The following PARVA variants were observed in gnomAD, a reference collection of about 807,000 sequenced individuals.
PARVA encodes the protein alpha-parvin.
PARVA carries 25 observed loss-of-function variants against 52.6 expected under a neutral mutation model. The ratio of observed to expected loss-of-function variants is 0.48; its 90% CI spans 0.35 to 0.66. The LOEUF (loss-of-function observed/expected upper bound fraction) is 0.66. PARVA is among the 30% of genes least tolerant of loss of function. The probability of loss-of-function intolerance (pLI) is 0.01; values close to 1 mark genes in which losing one functional copy is unlikely to be tolerated. For missense variants in PARVA, 373 were observed against 450.9 expected, an observed-to-expected ratio of 0.83 and a Z score of 1.56; for synonymous variants, 185 against 179.1, an observed-to-expected ratio of 1.03 and a Z score of -0.26.
chr11:12,526,879 G>T (rs1323094291), intron 12 of PARVA, among the ~76,000 whole-genome samples: 1 of 152,102 alleles, frequency 6.6e-6, no homozygotes, highest in Non-Finnish European at 1.5e-5. Flanking sequence ...GAGGAAGGTA[G>T]AGGAGCCAGC....
chr11:12,398,076 G>A (rs1939775861), intron 1 of PARVA, among the ~76,000 whole-genome samples: 1 of 152,166 alleles, frequency 6.6e-6, no homozygotes, highest in South Asian at 2.1e-4. Flanking sequence ...TTGGCAGGGA[G>A]AGATGGGAGT....
intron 5 of PARVA, 79 bp downstream of exon 5, chr11:12,496,677 A>G (rs1216920687): frequency 2.1e-6 from 3 of 1,456,204 alleles, no homozygotes; most frequent in East Asian, 2.4e-5. Context: ...GAAGCCATCC[A>G]TAAGCTTGGC....
chr11:12,381,331 T>C (rs577651226), intron 1 of PARVA, among the ~76,000 whole-genome samples: 13 of 152,336 alleles, frequency 8.5e-5, no homozygotes, highest in African/African-American at 3.1e-4. Context: ...ACTTTCTCTT[T>C]GGTGTTCTTG....
At position 12,417,257 on chromosome 11, in the gene PARVA, T is replaced by A. The variant is rs939818039; in HGVS notation, c.136+39474T>A. ...AGCATTGTTCACACTTGTGAAAAAC[T>A]TGAAATAAACTATAAGTCTAATATG... On this transcript the variant is annotated intron_variant, in intron 1 of 12. Coordinates refer to ENST00000334956, the MANE Select transcript of PARVA (RefSeq NM_018222.5). Among the ~76,000 whole-genome samples, 16 of 152,176 alleles carry A rather than the reference T, an allele frequency of 1.1e-4. 1 individual carries two copies. The highest frequency in any genetic ancestry group is 2.1e-4 in the South Asian group (1 of 4,826).
intron 1 of PARVA, among the ~76,000 whole-genome samples, chr11:12,428,528 G>A (rs578049634): frequency 3.3e-5 from 5 of 152,254 alleles, no homozygotes; most frequent in South Asian, 2.1e-4. Flanking sequence ...CACAGATACC[G>A]CTGTATCTAG....
chr11:12,464,575 A>G (rs1940829462), intron 1 of PARVA, among the ~76,000 whole-genome samples: 1 of 152,164 alleles, frequency 6.6e-6, no homozygotes, highest in African/African-American at 2.4e-5. Context: ...TACCATTCCC[A>G]TCACCCCTTT....
intron 1 of PARVA, among the ~76,000 whole-genome samples, chr11:12,457,994 T>C (rs1940720889): frequency 6.6e-6 from 1 of 152,198 alleles, no homozygotes; most frequent in Non-Finnish European, 1.5e-5. Flanking sequence ...CATGTGTGAC[T>C]GTGAGCTCCT....
At chr11:12,427,172 A>T (rs1474924756) in intron 1 of PARVA, among the ~76,000 whole-genome samples, 1 of 152,244 alleles carries the variant, frequency 6.6e-6, no homozygotes, top group Non-Finnish European at 1.5e-5. Context: ...AAGGAAATAT[A>T]ATTATTATAA....
At position 12,532,655 on chromosome 11, in the gene PARVA, G is replaced by A. The variant is rs1330731074; in HGVS notation, c.*4730G>A. Among the ~76,000 whole-genome samples the A allele has an allele frequency of 6.6e-6, 1 of 152,218 alleles. No individual in the cohort carries two copies. The highest frequency in any genetic ancestry group is 2.4e-5 in the African/African-American group (1 of 41,452). Reference sequence around the variant, plus strand: ...CTAAAATCTATGAAAGAGTTCTAATGTAGATTTAAGGTCATGAGAAGTCTC... The same window carrying A: ...CTAAAATCTATGAAAGAGTTCTAATATAGATTTAAGGTCATGAGAAGTCTC... On this transcript the variant is annotated 3_prime_UTR_variant, in exon 13 of 13. Transcript: ENST00000334956.
intron 1 of PARVA, among the ~76,000 whole-genome samples, chr11:12,380,649 C>T (rs1313023227): frequency 6.6e-6 from 1 of 150,726 alleles, no homozygotes; most frequent in Non-Finnish European, 1.5e-5. Flanking sequence ...GAATACCTAG[C>T]AGATCAACCT....
intron 4 of PARVA, among the ~76,000 whole-genome samples, chr11:12,486,525 C>CTCTG (rs1941160834): frequency 6.6e-6 from 1 of 151,574 alleles, no homozygotes; most frequent in Admixed American, 6.6e-5. Flanking sequence ...AAGAGCGAAA[C>CTCTG]TCTGTCTCAA....
At chr11:12,419,128 G>T (rs1165026382) in intron 1 of PARVA, among the ~76,000 whole-genome samples, 1 of 152,144 alleles carries the variant, frequency 6.6e-6, no homozygotes, top group Non-Finnish European at 1.5e-5. Context: ...AAAAATTGTA[G>T]TAAAATACAT....
At chr11:12,469,778 G>C (rs567382075) in intron 1 of PARVA, among the ~76,000 whole-genome samples, 1 of 152,276 alleles carries the variant, frequency 6.6e-6, no homozygotes, top group African/African-American at 2.4e-5. Flanking sequence ...CTTTCTTCTT[G>C]GATTTGTTAT....
rs544895697 is a variant in PARVA, at chr11:12,469,447, G to C, written c.137-4298G>C. ...TTAGATTGTTAGAGGAGGTTCAGTGGATAAACATCAGATTCCCATTCTGTG... is the reference window on the plus strand; with the variant it reads ...TTAGATTGTTAGAGGAGGTTCAGTGCATAAACATCAGATTCCCATTCTGTG... On this transcript the variant is annotated intron_variant, in intron 1 of 12. Coordinates refer to ENST00000334956, the MANE Select transcript of PARVA (RefSeq NM_018222.5). 7.9e-5 allele frequency among the ~76,000 whole-genome samples: 12 copies of C among 152,336 alleles called. No individual in the cohort carries two copies. The South Asian group carries it at 2.5e-3, about 32-fold the overall frequency.
At chr11:12,475,451 T>C (rs1940999579) in intron 3 of PARVA, among the ~76,000 whole-genome samples, 1 of 152,186 alleles carries the variant, frequency 6.6e-6, no homozygotes, top group Non-Finnish European at 1.5e-5. Context: ...GAGACTGTCT[T>C]TTTTTTCTAT....
intron 12 of PARVA, among the ~76,000 whole-genome samples, chr11:12,526,064 G>A (rs962468616): frequency 6.6e-6 from 1 of 152,094 alleles, no homozygotes; most frequent in Non-Finnish European, 1.5e-5. Context: ...GACTGAGAAT[G>A]GCACAGGCAG....
In PARVA at chr11:12,507,342, G is replaced by A. The variant is rs568302515; in HGVS notation, c.658-1242G>A. On this transcript the variant is annotated intron_variant, in intron 6 of 12. Transcript: ENST00000334956. Reference sequence around the variant, plus strand: ...TCACAGCATCCTCCAGGTGTCTGGTGCTGGTGGTGGAGGGACGTAGTAGAA... The same window carrying A: ...TCACAGCATCCTCCAGGTGTCTGGTACTGGTGGTGGAGGGACGTAGTAGAA... Among the ~76,000 whole-genome samples, 22 of 152,246 alleles carry A rather than the reference G, an allele frequency of 1.4e-4. No homozygotes were observed. The South Asian group carries it at 4.6e-3, about 32-fold the overall frequency.
At chr11:12,469,955 A>G (rs1421774298) in intron 1 of PARVA, among the ~76,000 whole-genome samples, 2 of 152,178 alleles carry the variant, frequency 1.3e-5, no homozygotes, top group South Asian at 2.1e-4. Context: ...CACACTTTAG[A>G]GATGTTTCAA....
chr11:12,409,041 G>A (rs543124927), intron 1 of PARVA, among the ~76,000 whole-genome samples: 34 of 152,354 alleles, frequency 2.2e-4, no homozygotes, highest in East Asian at 5.8e-4. Flanking sequence ...GGTGCTAGAT[G>A]TTGGGCCAAA....
Sources: allele counts gnomAD v4.1 joint callset (sites outside exome capture counted in the v4.1 genomes callset), GRCh38; gene constraint gnomAD v4.1.1; transcripts MANE v1.5; gene names NCBI Gene and HGNC (gene_info 2026-07-23, HGNC 2026-07-21).